Variants in NLGN4X observed in about 807,000 individuals in gnomAD.
NLGN4X encodes neuroligin 4 X-linked.
NLGN4X carries 3 observed loss-of-function variants against 40.3 expected under a neutral mutation model. That is an observed-to-expected ratio of 0.07 (90% CI 0.03 to 0.19). The LOEUF (loss-of-function observed/expected upper bound fraction) is 0.19, where lower values mean the gene tolerates loss of function less well. Among genes scored for constraint, NLGN4X ranks in the 10% least tolerant of loss-of-function variants. The pLI is 1.00. For missense variants in NLGN4X, 382 were observed against 708.3 expected (o/e 0.54, Z 5.23); for synonymous variants, 270 against 306.8 (o/e 0.88, Z 1.25).
chrX:6,035,754 C>T (rs1284075144), intron 2 of NLGN4X, among the ~76,000 whole-genome samples: 1 of 111,691 alleles, frequency 9.0e-6, no homozygotes, highest in Non-Finnish European at 1.9e-5. Context: ...TCCTCTCCCT[C>T]GTCCTCCTCA....
chrX:6,107,542 TTTTG>T (rs1569241548), intron 2 of NLGN4X, among the ~76,000 whole-genome samples: 1 of 111,313 alleles, frequency 9.0e-6, no homozygotes, highest in Non-Finnish European at 1.9e-5. Context: ...TTTTTTGTGT[TTTTG>T]TTTGTTTTTA....
chrX:6,111,171 T>G (rs1048532113), intron 2 of NLGN4X, among the ~76,000 whole-genome samples: 1 of 112,085 alleles, frequency 8.9e-6, no homozygotes, highest in Non-Finnish European at 1.9e-5. Context: ...TTCACTCAAG[T>G]GCAGAACACC....
At chrX:5,934,273 G>A (rs1044677233) in intron 3 of NLGN4X, among the ~76,000 whole-genome samples, 5 of 111,605 alleles carry the variant, frequency 4.5e-5, no homozygotes, top group African/African-American at 1.6e-4. Context: ...AGTTCATTGT[G>A]TGTGCTTATA....
intron 2 of NLGN4X, among the ~76,000 whole-genome samples, chrX:6,048,992 G>A (rs1197517476): frequency 9.5e-6 from 1 of 105,716 alleles, no homozygotes; most frequent in Non-Finnish European, 1.9e-5. Flanking sequence ...ATGGATCCCA[G>A]AACTTAAAAT....
intron 1 of NLGN4X, among the ~76,000 whole-genome samples, chrX:6,155,478 A>G (rs1382341519): frequency 9.0e-6 from 1 of 111,630 alleles, no homozygotes; most frequent in African/African-American, 3.3e-5. Flanking sequence ...ATTTTAGGGT[A>G]CCTGAGTGGG....
chrX:5,935,675 A>G (rs753854707), intron 3 of NLGN4X, among the ~76,000 whole-genome samples: 5 of 112,153 alleles, frequency 4.5e-5, no homozygotes, highest in African/African-American at 1.6e-4. Context: ...CATAAGGCCA[A>G]TTCAAATTTC....
intron 1 of NLGN4X, among the ~76,000 whole-genome samples, chrX:6,190,303 G>T (rs1922432942): frequency 8.9e-6 from 1 of 111,882 alleles, no homozygotes; most frequent in African/African-American, 3.2e-5. Flanking sequence ...TCTGTAAAGA[G>T]AAAGCCATGG....
At chrX:6,192,647 A>G (rs1922647375) in intron 1 of NLGN4X, among the ~76,000 whole-genome samples, 1 of 111,483 alleles carries the variant, frequency 9.0e-6, no homozygotes, top group South Asian at 3.8e-4. Context: ...GAGCATGCAA[A>G]CAGAATGAAG....
chrX:6,059,652 T>C (rs1401271289), intron 2 of NLGN4X, among the ~76,000 whole-genome samples: 1 of 111,234 alleles, frequency 9.0e-6, no homozygotes, highest in Admixed American at 9.6e-5. Flanking sequence ...TTGATAATAA[T>C]TAATCAGTGT....
intron 2 of NLGN4X, among the ~76,000 whole-genome samples, chrX:6,064,069 T>C (rs945615092): frequency 4.5e-5 from 5 of 111,645 alleles, no homozygotes; most frequent in Non-Finnish European, 9.4e-5. Context: ...TGCACAGACA[T>C]CTAACAATTT....
chrX:5,915,295 A>C (rs1276567995), intron 3 of NLGN4X, among the ~76,000 whole-genome samples: 1 of 112,064 alleles, frequency 8.9e-6, no homozygotes, highest in African/African-American at 3.2e-5. Context: ...ATAAAAGATA[A>C]TATCTCCACA....
intron 2 of NLGN4X, among the ~76,000 whole-genome samples, chrX:6,124,339 G>A (rs2039494890): frequency 9.0e-6 from 1 of 111,421 alleles, no homozygotes; most frequent in South Asian, 3.7e-4. Flanking sequence ...TGTTACAGTA[G>A]AATAAAACAC....
rs201082997 is a variant in NLGN4X, at chrX:6,189,405, A to G, written c.-305-37634T>C. On this transcript the variant is annotated intron_variant, in intron 1 of 5. Transcript: ENST00000381095. ...TTATCAGGAAAACACACTCCAAAGC[A>G]TTCCCCCCTTAAGAGAAAATGCAGC... 3.6e-5 allele frequency among the ~76,000 whole-genome samples: 4 copies of G among 112,350 alleles called. No homozygotes were observed. In the East Asian group the frequency reaches 8.4e-4, roughly 24 times the overall value.
intron 3 of NLGN4X, among the ~76,000 whole-genome samples, chrX:5,910,349 G>A (rs190691395): frequency 1.8e-3 from 196 of 109,335 alleles, no homozygotes; most frequent in Non-Finnish European, 2.6e-3. Context: ...CCATTTTCAC[G>A]TCCTTATTTG....
chrX:6,164,578 C>T (rs1319435459), intron 1 of NLGN4X, among the ~76,000 whole-genome samples: 1 of 112,142 alleles, frequency 8.9e-6, no homozygotes, highest in Non-Finnish European at 1.9e-5. Flanking sequence ...AAGTGCAAGA[C>T]AGGAGCCAGA....
intron 4 of NLGN4X, among the ~76,000 whole-genome samples, chrX:5,905,953 G>T (rs779406862): frequency 8.9e-6 from 1 of 112,268 alleles, no homozygotes; most frequent in African/African-American, 3.2e-5. Context: ...GAGCCTCAGT[G>T]CCTGGCTTGT....
chrX:6,028,361 TAGA>T (rs1469950711), intron 3 of NLGN4X, among the ~76,000 whole-genome samples: 1 of 111,081 alleles, frequency 9.0e-6, no homozygotes, highest in Non-Finnish European at 1.9e-5. Context: ...AACCTACAAT[TAGA>T]AGAAGATGAA....
At chrX:5,955,887 A>C (rs1211532245) in intron 3 of NLGN4X, among the ~76,000 whole-genome samples, 1 of 109,625 alleles carries the variant, frequency 9.1e-6, no homozygotes, top group African/African-American at 3.3e-5. Context: ...AGATTCAAGA[A>C]ATGCTGCTTG....
At chrX:5,893,699 A>C in intron 5 of NLGN4X, 33 bp from the exon 6 acceptor site, 1 of 1,204,863 alleles carries the variant, frequency 8.3e-7, no homozygotes, top group Non-Finnish European at 1.1e-6. Context: ...AAGAAAGGTC[A>C]TACTCTTCCA....
Sources: allele counts gnomAD v4.1 joint callset (sites outside exome capture counted in the v4.1 genomes callset), GRCh38; gene constraint gnomAD v4.1.1; transcripts MANE v1.5; gene names NCBI Gene and HGNC (gene_info 2026-07-23, HGNC 2026-07-21).